Variants in PDE11A observed in about 807,000 individuals in gnomAD.
The protein encoded by PDE11A is phosphodiesterase 11A, also known as dual 3',5'-cyclic-AMP and -GMP phosphodiesterase 11A.
In PDE11A, 100 loss-of-function variants were observed where a neutral mutation model predicts 100.5. That is an observed-to-expected ratio of 1.00 (90% CI 0.85 to 1.18). The LOEUF is 1.18. Among genes scored for constraint, PDE11A ranks in the 50% most tolerant of loss-of-function variants. The pLI is 0.00. For synonymous variants in PDE11A, 381 were observed against 420.8 expected, an observed-to-expected ratio of 0.91 and a Z score of 1.16; for missense variants, 1,141 against 1,152.6, an observed-to-expected ratio of 0.99 and a Z score of 0.15.
intron 15 of PDE11A, among the ~76,000 whole-genome samples, chr2:177,694,268 AT>A (rs898200116): frequency 4.0e-5 from 6 of 151,824 alleles, no homozygotes; most frequent in Admixed American, 1.3e-4. Flanking sequence ...GAGTGTTGAT[AT>A]TTTTTTTTCT....
chr2:177,808,458 T>C (rs2082904669), intron 9 of PDE11A, among the ~76,000 whole-genome samples: 1 of 152,176 alleles, frequency 6.6e-6, no homozygotes, highest in Non-Finnish European at 1.5e-5. Context: ...TAAAGGTACA[T>C]GCTAAGCCAT....
chr2:177,990,803 C>T (rs1213904323), intron 2 of PDE11A, among the ~76,000 whole-genome samples: 1 of 145,360 alleles, frequency 6.9e-6, no homozygotes, highest in Non-Finnish European at 1.5e-5. Context: ...AATCCTAGCA[C>T]TTTGGGAGGT....
intron 9 of PDE11A, among the ~76,000 whole-genome samples, chr2:177,803,273 C>T (rs16865791): frequency 0.017 from 2,594 of 151,632 alleles, 37 homozygotes; most frequent in Non-Finnish European, 0.027. Context: ...ATATTCAGAG[C>T]AGTGAGATTA....
At chr2:178,016,214 C>T (rs368095425) in intron 1 of PDE11A, among the ~76,000 whole-genome samples, 3 of 145,228 alleles carry the variant, frequency 2.1e-5, no homozygotes, top group African/African-American at 7.8e-5. Flanking sequence ...AACTCCTGAC[C>T]GCAGGTGATC....
chr2:177,697,919 G>A (rs1278736093), intron 14 of PDE11A, among the ~76,000 whole-genome samples: 3 of 152,162 alleles, frequency 2.0e-5, no homozygotes, highest in African/African-American at 2.4e-5. Context: ...CTCAGCTGGG[G>A]GCCGTTTTGA....
intron 2 of PDE11A, among the ~76,000 whole-genome samples, chr2:177,984,059 G>T (rs1470039078): frequency 6.6e-6 from 1 of 152,142 alleles, no homozygotes; most frequent in Non-Finnish European, 1.5e-5. Flanking sequence ...CTACTTAGCA[G>T]CTATCAATCA....
At chr2:177,635,564 T>A (rs2080026410) in intron 19 of PDE11A, among the ~76,000 whole-genome samples, 1 of 152,210 alleles carries the variant, frequency 6.6e-6, no homozygotes, top group African/African-American at 2.4e-5. Context: ...CGTATTTTAT[T>A]TATGTTTTGA....
At chr2:177,989,197 C>T (rs769992512) in intron 2 of PDE11A, among the ~76,000 whole-genome samples, 1 of 152,114 alleles carries the variant, frequency 6.6e-6, no homozygotes, top group East Asian at 1.9e-4. Flanking sequence ...TCAGAAAATA[C>T]ACAAGAATGA....
At chr2:177,787,508 A>T (rs1574141776) in intron 9 of PDE11A, among the ~76,000 whole-genome samples, 1 of 152,246 alleles carries the variant, frequency 6.6e-6, no homozygotes, top group East Asian at 1.9e-4. Flanking sequence ...AGCTAACATC[A>T]TAATGACAGG....
intron 2 of PDE11A, among the ~76,000 whole-genome samples, chr2:177,939,504 GAGGGAGGGAGGGA>G (rs1377822683): frequency 1.8e-5 from 2 of 111,160 alleles, no homozygotes; most frequent in Admixed American, 1.7e-4. Context: ...AGGAGGGAAG[GAGGGAGGGAGGGA>G]AGGGAGGGAG....
At chr2:178,071,393 T>C (rs2087126320) in intron 1 of PDE11A, 133 bp downstream of exon 1, 1 of 1,081,722 alleles carries the variant, frequency 9.2e-7, no homozygotes, top group Non-Finnish European at 1.4e-6. Context: ...TAGTCTAAAC[T>C]CGGGAATTTA....
chr2:177,669,450 C>A, intron 18 of PDE11A, 43 bp downstream of exon 18: 1 of 840,202 alleles, frequency 1.2e-6, no homozygotes, highest in South Asian at 1.3e-5. Flanking sequence ...TTGAAAATGT[C>A]ATTCAAAAGG....
chr2:177,696,452 C>A (rs1023360041), intron 15 of PDE11A, among the ~76,000 whole-genome samples: 1 of 152,116 alleles, frequency 6.6e-6, no homozygotes, highest in Non-Finnish European at 1.5e-5. Flanking sequence ...TAATAACTAA[C>A]TAAACCTTCA....
Position 177,919,666 on chromosome 2 carries a change from C to T in PDE11A, c.1072-14479G>A, listed in dbSNP as rs1319887228. The stretch of plus-strand genomic sequence containing the variant: ...TATTAAAGATTTTTTAATGGAAAAA[C>T]GTGCCATATTTCTCAATAAAAAGAT... On this transcript the variant is annotated intron_variant, in intron 2 of 19. Coordinates refer to ENST00000286063, the MANE Select transcript of PDE11A (RefSeq NM_016953.4). Among the ~76,000 whole-genome samples the T allele has an allele frequency of 7.9e-5, 12 of 151,498 alleles. No homozygotes were observed. In the South Asian group the frequency reaches 2.5e-3, roughly 32 times the overall value.
intron 2 of PDE11A, among the ~76,000 whole-genome samples, chr2:177,990,882 T>C (rs1328945047): frequency 2.0e-5 from 3 of 150,508 alleles, no homozygotes; most frequent in Non-Finnish European, 3.0e-5. Context: ...CAGTCCCAGC[T>C]ACTTGGGAGG....
At chr2:177,677,577 T>C (rs952005941) in intron 16 of PDE11A, among the ~76,000 whole-genome samples, 1 of 151,962 alleles carries the variant, frequency 6.6e-6, no homozygotes, top group Non-Finnish European at 1.5e-5. Context: ...GAGGAAACTT[T>C]AGGTGGTGGA....
chr2:178,075,881 T>A (rs2087202066), upstream of PDE11A, among the ~76,000 whole-genome samples: 1 of 152,166 alleles, frequency 6.6e-6, no homozygotes, highest in Non-Finnish European at 1.5e-5. Context: ...TTGAAGGGGT[T>A]CCTTTGGTAA....
At chr2:178,038,422 TA>T (rs904556907) in intron 1 of PDE11A, among the ~76,000 whole-genome samples, 41 of 149,700 alleles carry the variant, frequency 2.7e-4, no homozygotes, top group Admixed American at 1.1e-3. Flanking sequence ...TCCACATTAT[TA>T]AAAAAAAAGA....
chr2:177,733,890 T>C (rs2081731136), intron 10 of PDE11A, among the ~76,000 whole-genome samples: 1 of 152,242 alleles, frequency 6.6e-6, no homozygotes, highest in Admixed American at 6.5e-5. Context: ...AATTCCATGT[T>C]ATGATGAGGC....
Sources: gnomAD v4.1 joint callset for allele counts (sites outside exome capture counted in the v4.1 genomes callset) on GRCh38, gnomAD v4.1.1 for gene constraint, MANE v1.5 for transcripts, NCBI Gene and HGNC (gene_info 2026-07-23, HGNC 2026-07-21) for gene names.